Variants in CELF1 observed in about 807,000 individuals in gnomAD.
The protein encoded by CELF1 is 50 kDa nuclear polyadenylated RNA-binding protein.
In CELF1, 10 loss-of-function variants were observed where a neutral mutation model predicts 61.8. The ratio of observed to expected loss-of-function variants is 0.16; its 90% CI spans 0.10 to 0.27. CELF1 has a LOEUF of 0.27. Ranked by LOEUF, CELF1 falls within the 10% of genes least tolerant of loss-of-function variation. CELF1 has a pLI of 1.00. For synonymous variants in CELF1, 236 were observed against 225.1 expected (o/e 1.05, Z -0.43); for missense variants, 380 against 639.1 (o/e 0.59, Z 4.37).
chr11:47,506,528 C>T (rs994942138), intron 1 of CELF1, among the ~76,000 whole-genome samples: 2 of 152,198 alleles, frequency 1.3e-5, no homozygotes, highest in African/African-American at 2.4e-5. Context: ...CCACAGGCTG[C>T]GGGTTGGACA....
At chr11:47,474,252 C>T (rs1393104274) in intron 13 of CELF1, among the ~76,000 whole-genome samples, 6 of 152,224 alleles carry the variant, frequency 3.9e-5, no homozygotes, top group South Asian at 2.1e-4. Context: ...CAGCCATTCT[C>T]CAGCCACCCT....
At chr11:47,488,296 T>C (rs2088969375) in intron 4 of CELF1, among the ~76,000 whole-genome samples, 1 of 152,224 alleles carries the variant, frequency 6.6e-6, no homozygotes. Flanking sequence ...CCGCCTTTCC[T>C]CTCCTGTTCA....
rs912812609 is a variant in CELF1 at position 47,499,610 on chromosome 11, C to T, written c.-81-6G>A. Reference sequence around the variant, plus strand: ...ATACACACAGCTTTAGCTTCCTGGGCCCCACAAAAAACACAAAGTGGAAAC... The same window carrying T: ...ATACACACAGCTTTAGCTTCCTGGGTCCCACAAAAAACACAAAGTGGAAAC... On this transcript the variant is annotated splice_region_variant and splice_polypyrimidine_tract_variant and intron_variant, in intron 2 of 14. Coordinates refer to ENST00000687097, the MANE Select transcript of CELF1 (RefSeq NM_001376376.1). 6.3e-6 allele frequency: 7 copies of T among 1,116,134 alleles called. No individual in the cohort carries two copies. The highest frequency in any genetic ancestry group is 9.0e-6 in the Non-Finnish European group (7 of 776,910). 69.1% of individuals were successfully genotyped at this position (1,116,134 alleles called of 1,614,324 possible). A position where few individuals can be genotyped will look rare whatever the true frequency, so the allele number is the denominator to read the frequency against.
chr11:47,505,611 C>G (rs543164536), intron 1 of CELF1, among the ~76,000 whole-genome samples: 1 of 148,140 alleles, frequency 6.8e-6, no homozygotes, highest in Admixed American at 6.8e-5. Flanking sequence ...CCACTGTACT[C>G]CAGCCTGGCT....
At position 47,532,532 on chromosome 11, in the gene CELF1, T is replaced by C. The variant is rs970390003; in HGVS notation, c.-154+20460A>G. ...TGGATAGAAAGTTTCTCTGCATAAC[T>C]TTTGTAAAGGTCCTTTGCTAACCTC... On this transcript the variant is annotated intron_variant, in intron 1 of 14. Coordinates refer to ENST00000687097, the MANE Select transcript of CELF1 (RefSeq NM_001376376.1). Among the ~76,000 whole-genome samples, 23 of 152,328 alleles carry C rather than the reference T, an allele frequency of 1.5e-4. 1 individual carries two copies. The highest frequency in any genetic ancestry group is 3.4e-3 in the Middle Eastern group (1 of 294).
intron 9 of CELF1, among the ~76,000 whole-genome samples, chr11:47,480,503 G>A (rs2082395451): frequency 6.6e-6 from 1 of 152,164 alleles, no homozygotes. Context: ...CAGGAATCAT[G>A]TCTAACCAAA....
intron 1 of CELF1, among the ~76,000 whole-genome samples, chr11:47,534,319 G>A (rs924047854): frequency 4.7e-5 from 7 of 150,368 alleles, no homozygotes; most frequent in African/African-American, 1.2e-4. Context: ...CATGAGCCAC[G>A]GCGCCTGGCC....
intron 1 of CELF1, among the ~76,000 whole-genome samples, chr11:47,528,334 C>T (rs995950228): frequency 1.3e-5 from 2 of 152,114 alleles, no homozygotes; most frequent in Admixed American, 6.6e-5. Flanking sequence ...CTTCCTTATA[C>T]TATGTGTAAA....
rs565362216 is a variant in CELF1 at position 47,488,572 on chromosome 11, A to G, written c.259+265T>C. Among the ~76,000 whole-genome samples the G allele has an allele frequency of 2.6e-5, 4 of 152,360 alleles. No individual in the cohort carries two copies. In the East Asian group the frequency reaches 7.7e-4, roughly 29 times the overall value. On this transcript the variant is annotated intron_variant, in intron 4 of 14. Coordinates refer to ENST00000687097, the MANE Select transcript of CELF1 (RefSeq NM_001376376.1). Reference sequence around the variant, plus strand: ...CCTCACAAAGGACTGCCCAAGACCCAATTTACAAATTATCCTCATGCTAAC... The same window carrying G: ...CCTCACAAAGGACTGCCCAAGACCCGATTTACAAATTATCCTCATGCTAAC...
At chr11:47,531,454 A>G (rs1354009884) in intron 1 of CELF1, among the ~76,000 whole-genome samples, 2 of 152,088 alleles carry the variant, frequency 1.3e-5, no homozygotes, top group Non-Finnish European at 2.9e-5. Flanking sequence ...CTATAGTCTC[A>G]GCTACTCTGG....
In CELF1 at chr11:47,482,860, T is replaced by C; in HGVS notation, c.607-4A>G. 2 of 1,611,606 alleles carry C rather than the reference T, an allele frequency of 1.2e-6. No homozygotes were observed. Among genetic ancestry groups the C allele is most frequent in the Non-Finnish European group, 1.7e-6 (2 of 1,178,982 alleles). ...CCACCATGGGTGATGAGCAACCCTG[T>C]GAAAAGACCATAACGAAAGGGTCAA... On this transcript the variant is annotated splice_region_variant and splice_polypyrimidine_tract_variant and intron_variant, in intron 8 of 14. Transcript: ENST00000687097.
chr11:47,475,540 A>T lies in CELF1; in HGVS notation c.1088-19T>A, dbSNP rs748800033. ...GCCATTCCTTGGTTGGAGGAAGAGA[A>T]GGATTAATATACTAGAAAGACTAAA... is the stretch of plus-strand genomic sequence containing the variant. On this transcript the variant is annotated intron_variant, in intron 12 of 14. Coordinates refer to ENST00000687097, the MANE Select transcript of CELF1 (RefSeq NM_001376376.1). The T allele has an allele frequency of 1.9e-6, 3 of 1,612,994 alleles. No individual in the cohort carries two copies. The Admixed American group carries it at 5.0e-5, about 27-fold the overall frequency.
At chr11:47,526,638 A>C (rs1338871543) in intron 1 of CELF1, among the ~76,000 whole-genome samples, 1 of 152,224 alleles carries the variant, frequency 6.6e-6, no homozygotes, top group South Asian at 2.1e-4. Flanking sequence ...CTGTTGAATA[A>C]ATTTTAAACC....
intron 1 of CELF1, among the ~76,000 whole-genome samples, chr11:47,503,440 G>A (rs2094166961): frequency 6.6e-6 from 1 of 152,156 alleles, no homozygotes; most frequent in Admixed American, 6.5e-5. Context: ...GTTTGAAAGG[G>A]CAATAAAGTA....
At chr11:47,529,692 G>A (rs2096395870) in intron 1 of CELF1, among the ~76,000 whole-genome samples, 3 of 151,848 alleles carry the variant, frequency 2.0e-5, no homozygotes. Flanking sequence ...GTGGTGGCAG[G>A]CACCTGTAAT....
At chr11:47,541,686 C>CTCAA (rs71042680) in intron 1 of CELF1, among the ~76,000 whole-genome samples, 191 of 11,686 alleles carry the variant, frequency 0.016, 89 homozygotes, top group East Asian at 0.14. Flanking sequence ...GCGAGACTGT[C>CTCAA]AAAGAAAGAA....
intron 2 of CELF1, among the ~76,000 whole-genome samples, chr11:47,558,498 ATTATAT>A (rs1257926974): frequency 2.6e-5 from 3 of 116,648 alleles, no homozygotes; most frequent in African/African-American, 1.3e-4. Context: ...TATTTAATAT[ATTATAT>A]TATATAAATA....
At chr11:47,494,441 A>G in intron 3 of CELF1, 1 of 982,636 alleles carries the variant, frequency 1.0e-6, no homozygotes. Context: ...CTGCTGAAAC[A>G]TACTATGAGA....
chr11:47,531,000 A>G (rs2096455238), intron 1 of CELF1, among the ~76,000 whole-genome samples: 1 of 151,796 alleles, frequency 6.6e-6, no homozygotes, highest in East Asian at 1.9e-4. Context: ...TAATCCCAAC[A>G]CTTTGGGAGG....
Sources: gnomAD v4.1 joint callset for allele counts (sites outside exome capture counted in the v4.1 genomes callset) on GRCh38, gnomAD v4.1.1 for gene constraint, MANE v1.5 for transcripts, NCBI Gene and HGNC (gene_info 2026-07-23, HGNC 2026-07-21) for gene names.